Variants in CNTNAP2 observed in about 807,000 individuals in gnomAD.
The protein encoded by CNTNAP2 is contactin associated protein 2.
Under a neutral mutation model 155.2 loss-of-function variants are expected in CNTNAP2, and 98 were observed. The ratio of observed to expected loss-of-function variants is 0.63; its 90% CI spans 0.54 to 0.75. CNTNAP2 has a LOEUF of 0.75. Ranked by LOEUF, CNTNAP2 falls within the 30% of genes least tolerant of loss-of-function variation. The pLI, the probability that CNTNAP2 is intolerant of heterozygous loss-of-function variation, is 0.00. For missense variants in CNTNAP2, 1,727 were observed against 1,688.1 expected (o/e 1.02, Z -0.40); for synonymous variants, 651 against 631.2 (o/e 1.03, Z -0.47).
At chr7:146,810,818 C>A (rs181631796) in intron 2 of CNTNAP2, among the ~76,000 whole-genome samples, 2 of 152,200 alleles carry the variant, frequency 1.3e-5, no homozygotes, top group East Asian at 1.9e-4. Context: ...CATTCTACAA[C>A]TATTTTGTTG....
At chr7:148,404,552 G>A (rs1295734679) in intron 22 of CNTNAP2, among the ~76,000 whole-genome samples, 1 of 152,220 alleles carries the variant, frequency 6.6e-6, no homozygotes, top group Non-Finnish European at 1.5e-5. Context: ...ACAGGCAAGT[G>A]GGTGCCACCG....
chr7:147,106,493 A>C (rs1382621375), intron 4 of CNTNAP2, among the ~76,000 whole-genome samples: 1 of 152,128 alleles, frequency 6.6e-6, no homozygotes, highest in Non-Finnish European at 1.5e-5. Context: ...ACAGTCTCAG[A>C]GAACAGAATT....
intron 9 of CNTNAP2, among the ~76,000 whole-genome samples, chr7:147,311,606 A>G (rs2692168): frequency 0.49 from 74,547 of 151,900 alleles, 19,478 homozygotes; most frequent in East Asian, 0.73. Context: ...CTTCCTTAGT[A>G]GCCACAAGTC....
chr7:146,899,986 A>T lies in CNTNAP2; in HGVS notation c.402+60082A>T, dbSNP rs540877333. Among the ~76,000 whole-genome samples, 109 of 152,278 alleles carry T rather than the reference A, an allele frequency of 7.2e-4. 1 individual carries two copies. The highest frequency in any genetic ancestry group is 3.4e-3 in the Middle Eastern group (1 of 294). On this transcript the variant is annotated intron_variant, in intron 3 of 23. Coordinates refer to ENST00000361727, the MANE Select transcript of CNTNAP2 (RefSeq NM_014141.6). ...AGTTAGAAGTAAGCAATAGTTTGAG[A>T]CTATTTTAAGTTTACCCTCAACGAG... is the stretch of plus-strand genomic sequence containing the variant.
In CNTNAP2 at chr7:146,332,302, A is replaced by G. The variant is rs1308544138; in HGVS notation, c.97+215329A>G. ...TTTAAAACTATTTATTCAAAAATAA[A>G]CATATAAAAATAATAGTAAAACTCA... On this transcript the variant is annotated intron_variant, in intron 1 of 23. Transcript: ENST00000361727. 7.9e-5 allele frequency among the ~76,000 whole-genome samples: 12 copies of G among 151,514 alleles called. No individual in the cohort carries two copies. The East Asian group carries it at 2.3e-3, about 29-fold the overall frequency.
intron 8 of CNTNAP2, among the ~76,000 whole-genome samples, chr7:147,283,244 C>A (rs1057042101): frequency 4.6e-5 from 7 of 151,504 alleles, no homozygotes; most frequent in Non-Finnish European, 8.9e-5. Flanking sequence ...TATATTCTTG[C>A]CCTGATTTAT....
intron 3 of CNTNAP2, among the ~76,000 whole-genome samples, chr7:147,001,854 G>T (rs1365554837): frequency 6.6e-6 from 1 of 151,560 alleles, no homozygotes; most frequent in Non-Finnish European, 1.5e-5. Flanking sequence ...AATTGTACAG[G>T]GGAAGGAAAG....
chr7:147,587,474 A>G (rs796816232), intron 12 of CNTNAP2, among the ~76,000 whole-genome samples: 4 of 152,250 alleles, frequency 2.6e-5, no homozygotes, highest in African/African-American at 9.6e-5. Flanking sequence ...CTTACATTTC[A>G]GCATACTTTA....
chr7:147,013,906 C>T (rs996903181), intron 3 of CNTNAP2, among the ~76,000 whole-genome samples: 3 of 152,072 alleles, frequency 2.0e-5, no homozygotes, highest in Non-Finnish European at 2.9e-5. Context: ...TTTCTCTCTT[C>T]CGACATGCTT....
chr7:147,130,062 GA>G, intron 7 of CNTNAP2, among the ~76,000 whole-genome samples: 1 of 152,030 alleles, frequency 6.6e-6, no homozygotes, highest in East Asian at 1.9e-4. Flanking sequence ...ATTTAACATG[GA>G]AAAAATAAGT....
chr7:147,331,883 T>A (rs1232550204), intron 9 of CNTNAP2, among the ~76,000 whole-genome samples: 2 of 152,148 alleles, frequency 1.3e-5, no homozygotes, highest in Non-Finnish European at 2.9e-5. Flanking sequence ...TCAGGAGTGA[T>A]CTCACCAGCT....
intron 13 of CNTNAP2, among the ~76,000 whole-genome samples, chr7:147,845,252 G>A (rs1798810691): frequency 2.0e-5 from 2 of 99,266 alleles, no homozygotes; most frequent in East Asian, 3.0e-4. Flanking sequence ...GTAAACTATT[G>A]ATTATTGCCA....
At chr7:147,724,305 T>C (rs1003259923) in intron 13 of CNTNAP2, among the ~76,000 whole-genome samples, 11 of 152,008 alleles carry the variant, frequency 7.2e-5, no homozygotes, top group African/African-American at 2.4e-4. Flanking sequence ...AAGGTTTCCA[T>C]AGAGTCCTAG....
intron 15 of CNTNAP2, among the ~76,000 whole-genome samples, chr7:148,105,998 A>C (rs1804209229): frequency 6.6e-6 from 1 of 152,206 alleles, no homozygotes; most frequent in South Asian, 2.1e-4. Flanking sequence ...TCCAGGCAAG[A>C]GACAATGCAG....
At chr7:147,668,580 G>A (rs1223533600) in intron 13 of CNTNAP2, among the ~76,000 whole-genome samples, 2 of 151,886 alleles carry the variant, frequency 1.3e-5, no homozygotes, top group East Asian at 3.9e-4. Context: ...GTGTGTTTGG[G>A]TCTTAGTTTT....
chr7:147,949,090 A>T (rs1292927148), intron 14 of CNTNAP2, among the ~76,000 whole-genome samples: 2 of 151,706 alleles, frequency 1.3e-5, no homozygotes, highest in African/African-American at 4.8e-5. Context: ...AATCCCAGCT[A>T]CTCAGGAGGC....
chr7:147,389,360 T>C (rs1275524936), intron 9 of CNTNAP2, among the ~76,000 whole-genome samples: 1 of 152,212 alleles, frequency 6.6e-6, no homozygotes. Context: ...AGAAGCTTTA[T>C]ATGCACTTGG....
At chr7:146,431,348 C>A (rs936622497) in intron 1 of CNTNAP2, among the ~76,000 whole-genome samples, 1 of 152,118 alleles carries the variant, frequency 6.6e-6, no homozygotes, top group Admixed American at 6.6e-5. Flanking sequence ...AATAACAATT[C>A]TAATTATTAA....
chr7:147,959,951 C>A (rs1459350953), intron 14 of CNTNAP2, among the ~76,000 whole-genome samples: 1 of 152,148 alleles, frequency 6.6e-6, no homozygotes, highest in Non-Finnish European at 1.5e-5. Flanking sequence ...GCCTCTCATC[C>A]TATTCAAAAC....
Sources: allele counts gnomAD v4.1 joint callset (sites outside exome capture counted in the v4.1 genomes callset), GRCh38; gene constraint gnomAD v4.1.1; transcripts MANE v1.5; gene names NCBI Gene and HGNC (gene_info 2026-07-23, HGNC 2026-07-21).